Variants in HEATR5B observed in about 807,000 individuals in gnomAD.
The protein encoded by HEATR5B is HEAT repeat containing 5B, also known as HEAT repeat-containing protein 5B.
Under a neutral mutation model 224.1 loss-of-function variants are expected in HEATR5B, and 156 were observed. That is an observed-to-expected ratio of 0.70 (90% CI 0.61 to 0.80). The LOEUF (loss-of-function observed/expected upper bound fraction) is 0.80, where lower values mean the gene tolerates loss of function less well. Ranked by LOEUF, HEATR5B falls within the 30% of genes least tolerant of loss-of-function variation. The pLI is 0.00. For synonymous variants in HEATR5B, 1,027 were observed against 893.0 expected (o/e 1.15, Z -2.68); for missense variants, 2,323 against 2,535.5 (o/e 0.92, Z 1.80).
chr2:37,057,979 AAT>A (rs1284517820), intron 14 of HEATR5B, among the ~76,000 whole-genome samples: 1 of 152,236 alleles, frequency 6.6e-6, no homozygotes, highest in African/African-American at 2.4e-5. Context: ...GAAAGAAATC[AAT>A]AGTTTATTTT....
chr2:37,027,675 G>T (rs1473137275), intron 24 of HEATR5B, among the ~76,000 whole-genome samples: 1 of 152,166 alleles, frequency 6.6e-6, no homozygotes, highest in Non-Finnish European at 1.5e-5. Context: ...TTGGGCAAAT[G>T]ATTAAATAGA....
intron 26 of HEATR5B, among the ~76,000 whole-genome samples, chr2:37,018,905 T>A (rs937071237): frequency 6.6e-6 from 1 of 152,134 alleles, no homozygotes; most frequent in African/African-American, 2.4e-5. Flanking sequence ...CACATCCCTG[T>A]AATACCAGCA....
chr2:37,054,866 T>A (rs189490516), intron 16 of HEATR5B, among the ~76,000 whole-genome samples: 14 of 152,068 alleles, frequency 9.2e-5, no homozygotes, highest in African/African-American at 3.4e-4. Context: ...TCCAAGGAAG[T>A]TGGATTTAGT....
At chr2:37,010,555 C>A (rs1667722225) in intron 27 of HEATR5B, among the ~76,000 whole-genome samples, 1 of 151,634 alleles carries the variant, frequency 6.6e-6, no homozygotes, top group Non-Finnish European at 1.5e-5. Flanking sequence ...GATCTGTAAC[C>A]CAGGCTGGAG....
intron 12 of HEATR5B, among the ~76,000 whole-genome samples, chr2:37,059,491 TCTCA>T (rs1479872555): frequency 6.1e-5 from 7 of 114,090 alleles, no homozygotes; most frequent in Admixed American, 5.4e-4. Context: ...TTTGAGAGAG[TCTCA>T]CTCTGTCAAC....
chr2:37,057,006 G>A (rs753237074), intron 15 of HEATR5B, among the ~76,000 whole-genome samples: 6 of 152,012 alleles, frequency 3.9e-5, no homozygotes, highest in South Asian at 2.1e-4. Flanking sequence ...TCTCCAACCT[G>A]TCACAAAACA....
At position 37,049,757 on chromosome 2, in the gene HEATR5B, T is replaced by TGG. The variant is rs1670419861; in HGVS notation, c.2590_2591dup (p.Asn865GlnfsTer37). 6.2e-7 allele frequency: 1 copy of TGG among 1,613,216 alleles called. No individual in the cohort carries two copies. On this transcript the variant is annotated frameshift_variant, in exon 18 of 36. Transcript: ENST00000233099. LOFTEE classifies it high-confidence loss of function. Reference sequence around the variant, plus strand: ...CCGCTGCACAACGTAAGATGGGGTTTGGGTTGTCCAGAGGACCCATAACCA... The same window carrying TGG: ...CCGCTGCACAACGTAAGATGGGGTTTGGGGGTTGTCCAGAGGACCCATAACCA...
At chr2:37,005,586 C>G in intron 30 of HEATR5B, 46 bp downstream of exon 30, 1 of 1,570,344 alleles carries the variant, frequency 6.4e-7, no homozygotes, top group Non-Finnish European at 8.7e-7. Context: ...TAAAGCAATA[C>G]TCAAAAAAAA....
chr2:37,083,194 T>C (rs1039262965), intron 2 of HEATR5B, 95 bp downstream of exon 2: 7 of 1,437,282 alleles, frequency 4.9e-6, no homozygotes, highest in South Asian at 1.2e-5. Context: ...AAGTGACCCA[T>C]AAACCTTCCA....
chr2:36,988,435 T>C (rs1470386858), intron 35 of HEATR5B, among the ~76,000 whole-genome samples: 1 of 152,044 alleles, frequency 6.6e-6, no homozygotes, highest in Admixed American at 6.6e-5. Flanking sequence ...CTAATTTTTG[T>C]ATTATTAGTA....
Position 37,049,719 on chromosome 2 carries a change from C to A in HEATR5B, c.2630G>T (p.Gly877Val). Reference protein sequence around the residue: ...ILRCAAGEALGRMAQVVGEAT... With the variant: ...ILRCAAGEALVRMAQVVGEAT... Reference sequence around the variant, plus strand: ...TTCTCCAACCACCTGAGCCATTCTTCCAAGAGCTTCCCCCGCTGCACAACG... The same window carrying A: ...TTCTCCAACCACCTGAGCCATTCTTACAAGAGCTTCCCCCGCTGCACAACG... The change falls in exon 18 of 36, where the codon GGA becomes GTA. Residue 877 changes from glycine to valine, a missense_variant. Gly to Val is a moderately radical substitution (Grantham distance 109). Around this residue, in one of 12 missense-constraint regions of HEATR5B, gnomAD observed 170 missense variants for 216.7 expected, o/e 0.78. Coordinates refer to ENST00000233099, the MANE Select transcript of HEATR5B (RefSeq NM_019024.3). 1 of 1,614,076 alleles carries A rather than the reference C, an allele frequency of 6.2e-7. No homozygotes were observed. The highest frequency in any genetic ancestry group is 8.5e-7 in the Non-Finnish European group (1 of 1,180,016).
At position 37,028,130 on chromosome 2, in the gene HEATR5B, C is replaced by G; in HGVS notation, c.3646G>C (p.Ala1216Pro). ...TCATCCATCTCATCTTTCTTTTCAG[C>G]TTCTTCATCTTTTCCACTACTTAAG... is the stretch of plus-strand genomic sequence containing the variant. ...TLLSSGKDEE[A>P]EKKDEMDDDT... The change falls in exon 24 of 36, where the codon GCT becomes CCT. Residue 1216 changes from alanine (A) to proline (P), a missense_variant. Around this residue, in one of 12 missense-constraint regions of HEATR5B, gnomAD observed 339 missense variants for 378.4 expected, o/e 0.90. Transcript: ENST00000233099. The G allele has an allele frequency of 1.2e-6, 2 of 1,609,452 alleles. No homozygotes were observed. The highest frequency in any genetic ancestry group is 1.7e-6 in the Non-Finnish European group (2 of 1,175,806).
chr2:37,058,269 G>A (rs2540992), intron 14 of HEATR5B, among the ~76,000 whole-genome samples, 182 bp downstream of exon 14: 110,693 of 152,058 alleles, frequency 0.73, 40,935 homozygotes, highest in African/African-American at 0.85. Flanking sequence ...ACAAAAGGCT[G>A]AAAACGAGAC....
At chr2:37,074,031 T>C (rs1240269926) in intron 5 of HEATR5B, among the ~76,000 whole-genome samples, 2 of 152,074 alleles carry the variant, frequency 1.3e-5, no homozygotes, top group African/African-American at 4.8e-5. Flanking sequence ...TTCGAAATGG[T>C]ACTGGAGGGG....
intron 12 of HEATR5B, among the ~76,000 whole-genome samples, chr2:37,059,982 T>C (rs1172254666): frequency 6.6e-6 from 1 of 152,082 alleles, no homozygotes; most frequent in Non-Finnish European, 1.5e-5. Flanking sequence ...AAAGAAGTAG[T>C]TTTCACTCTG....
At chr2:36,996,294 T>A (rs13382546) in intron 33 of HEATR5B, among the ~76,000 whole-genome samples, 3,335 of 151,784 alleles carry the variant, frequency 0.022, 55 homozygotes, top group South Asian at 0.039. Flanking sequence ...CTCCTGCCCT[T>A]GTGATTTGCC....
In HEATR5B at chr2:37,060,721, A is replaced by G. The variant is rs1671232741; in HGVS notation, c.1709T>C (p.Val570Ala). The G allele has an allele frequency of 6.2e-7, 1 of 1,613,410 alleles. No individual in the cohort carries two copies. The highest frequency in any genetic ancestry group is 8.5e-7 in the Non-Finnish European group (1 of 1,179,574). The change falls in exon 12 of 36, where the codon GTT (valine) becomes GCT (alanine). Residue 570 changes from valine (V) to alanine (A), a missense_variant. Val to Ala is a moderately conservative substitution (Grantham distance 64). This residue lies in a region of HEATR5B where 502 missense variants were observed against 517.8 expected (regional missense o/e 0.97). Coordinates refer to ENST00000233099, the MANE Select transcript of HEATR5B (RefSeq NM_019024.3). Reference sequence around the variant, plus strand: ...CAACATCTTGGGCAGATGGTAACGAACGACAGATGGTCCTAGCCAAGAAAA... The same window carrying G: ...CAACATCTTGGGCAGATGGTAACGAGCGACAGATGGTCCTAGCCAAGAAAA... ...GALMTLGPSV[V>A]RYHLPKMLLL...
chr2:37,001,469 G>A (rs1053034911), intron 32 of HEATR5B, among the ~76,000 whole-genome samples: 4 of 151,932 alleles, frequency 2.6e-5, no homozygotes, highest in South Asian at 2.1e-4. Context: ...AAGGTCTTCC[G>A]TGAGTTGAGC....
rs1458533345 is a variant in HEATR5B at position 36,988,793 on chromosome 2, G to C, written c.5764C>G (p.Pro1922Ala). 6.2e-7 allele frequency: 1 copy of C among 1,614,070 alleles called. No individual in the cohort carries two copies. Among genetic ancestry groups the C allele is most frequent in the South Asian group, 1.1e-5 (1 of 91,074 alleles). The change falls in exon 35 of 36, where the codon CCT (proline) becomes GCT (alanine). Residue 1922 changes from proline (P) to alanine (A), a missense_variant. Transcript: ENST00000233099. ...FQHSNRALST[P>A]YIHSLAPIVV... is the part of the protein sequence containing the mutation. ...ATTGGAGCTAATGAATGAATATAAG[G>C]AGTTGAAAGGGCACGATTGGAATGC...
Sources: allele counts gnomAD v4.1 joint callset (sites outside exome capture counted in the v4.1 genomes callset), GRCh38; gene constraint gnomAD v4.1.1; regional missense constraint gnomAD v4.1.1; transcripts MANE v1.5; gene names NCBI Gene and HGNC (gene_info 2026-07-23, HGNC 2026-07-21).